CRISPLD1: variants seen among roughly 807,000 people sequenced by gnomAD.
CRISPLD1 encodes the protein cysteine-rich secretory protein LCCL domain-containing 1.
Under a neutral mutation model 77.5 loss-of-function variants are expected in CRISPLD1, and 60 were observed. That is an observed-to-expected ratio of 0.77 (90% CI 0.63 to 0.96). The LOEUF (loss-of-function observed/expected upper bound fraction) is 0.96, where lower values mean the gene tolerates loss of function less well. Ranked by LOEUF, CRISPLD1 falls within the 40% of genes least tolerant of loss-of-function variation. The probability of loss-of-function intolerance (pLI) is 0.00; values close to 1 mark genes in which losing one functional copy is unlikely to be tolerated. For synonymous variants in CRISPLD1, 195 were observed against 200.1 expected (o/e 0.97, Z 0.22); for missense variants, 623 against 615.8 (o/e 1.01, Z -0.12).
chr8:74,995,806 A>G (rs1262705286), intron 2 of CRISPLD1, among the ~76,000 whole-genome samples: 1 of 152,144 alleles, frequency 6.6e-6, no homozygotes, highest in Non-Finnish European at 1.5e-5. Context: ...GGATGCCTTT[A>G]TTTAAAAATG....
intron 2 of CRISPLD1, among the ~76,000 whole-genome samples, chr8:74,988,806 C>G (rs6472882): frequency 0.44 from 66,633 of 152,010 alleles, 17,351 homozygotes; most frequent in African/African-American, 0.74. Context: ...CTGCACTCCA[C>G]CCTGGGTGAC....
chr8:74,987,142 G>A (rs1439345714), intron 2 of CRISPLD1, among the ~76,000 whole-genome samples: 1 of 152,080 alleles, frequency 6.6e-6, no homozygotes, highest in Non-Finnish European at 1.5e-5. Flanking sequence ...AGTTTTGGTG[G>A]ATATTCTTTA....
intron 13 of CRISPLD1, among the ~76,000 whole-genome samples, chr8:75,028,737 A>T (rs959820647): frequency 6.6e-6 from 1 of 152,200 alleles, no homozygotes; most frequent in Admixed American, 6.5e-5. Context: ...CTAGTATTTC[A>T]TGTCAGACCA....
At chr8:74,998,495 T>A (rs1812679855) in intron 2 of CRISPLD1, among the ~76,000 whole-genome samples, 1 of 151,636 alleles carries the variant, frequency 6.6e-6, no homozygotes, top group Non-Finnish European at 1.5e-5. Context: ...TCGAGACCAG[T>A]CCTTCAACAT....
At chr8:75,010,075 T>G (rs1190011888) in intron 2 of CRISPLD1, among the ~76,000 whole-genome samples, 1 of 152,124 alleles carries the variant, frequency 6.6e-6, no homozygotes, top group East Asian at 1.9e-4. Flanking sequence ...AAAACTTTTA[T>G]GAAAAGCAGC....
At chr8:75,008,807 A>G (rs1240760444) in intron 2 of CRISPLD1, among the ~76,000 whole-genome samples, 2 of 152,174 alleles carry the variant, frequency 1.3e-5, no homozygotes, top group East Asian at 3.8e-4. Flanking sequence ...ATTGAATTTT[A>G]GTCCTCAAAG....
rs1813370026 is a variant in CRISPLD1, at chr8:75,032,554, T to C, written c.*312T>C. ...GTTTCATATATTATATGGTGCTTTG[T>C]ATATGCCACTAATAAAATGAATCTA... On this transcript the variant is annotated 3_prime_UTR_variant, in exon 15 of 15. Coordinates refer to ENST00000262207, the MANE Select transcript of CRISPLD1 (RefSeq NM_031461.6). The C allele has an allele frequency of 5.3e-6, 1 of 187,472 alleles. No homozygotes were observed. Among genetic ancestry groups the C allele is most frequent in the Non-Finnish European group, 1.1e-5 (1 of 91,442 alleles). 11.6% of individuals were successfully genotyped at this position (187,472 alleles called of 1,614,324 possible).
chr8:75,010,427 A>T (rs180906921), intron 2 of CRISPLD1, among the ~76,000 whole-genome samples: 1 of 152,120 alleles, frequency 6.6e-6, no homozygotes, highest in Non-Finnish European at 1.5e-5. Context: ...AGACTCTGGC[A>T]TCTCATCTAT....
intron 13 of CRISPLD1, among the ~76,000 whole-genome samples, chr8:75,028,796 ATTC>A (rs1813280328): frequency 6.6e-6 from 1 of 152,138 alleles, no homozygotes; most frequent in Non-Finnish European, 1.5e-5. Context: ...AGCTATGATG[ATTC>A]TTCATTTTTT....
intron 14 of CRISPLD1, 88 bp downstream of exon 14, chr8:75,029,605 T>A (rs1403614216): frequency 7.2e-7 from 1 of 1,386,632 alleles, no homozygotes; most frequent in East Asian, 2.3e-5. Context: ...CTTGAATATT[T>A]TTAATTTTTT....
Position 75,012,506 on chromosome 8 carries a change from G to C in CRISPLD1, c.332G>C (p.Ser111Thr). The C allele has an allele frequency of 1.2e-6, 2 of 1,613,012 alleles. No individual in the cohort carries two copies. Among genetic ancestry groups the C allele is most frequent in the African/African-American group, 1.3e-5 (1 of 75,000 alleles). ...TGCTTGTGGGAACATGGACCTGCAA[G>C]CTTGCTTCCATCAATTGGACAGAAT... Reference protein sequence around the residue: ...ESCLWEHGPASLLPSIGQNLG... With the variant: ...ESCLWEHGPATLLPSIGQNLG... The change falls in exon 3 of 15, where the codon AGC becomes ACC. Residue 111 changes from serine to threonine, a missense_variant. Transcript: ENST00000262207.
chr8:74,989,520 A>G (rs1052958017), intron 2 of CRISPLD1, among the ~76,000 whole-genome samples: 1 of 148,892 alleles, frequency 6.7e-6, no homozygotes, highest in African/African-American at 2.5e-5. Context: ...TAAACCTTAT[A>G]TGTTTATTGG....
chr8:75,023,501 G>T (rs1408317570), intron 12 of CRISPLD1, among the ~76,000 whole-genome samples: 3 of 152,080 alleles, frequency 2.0e-5, no homozygotes, highest in African/African-American at 7.2e-5. Context: ...TGGTTTCCAT[G>T]TTATGTGAAG....
chr8:75,009,440 A>G (rs1812891373), intron 2 of CRISPLD1, among the ~76,000 whole-genome samples: 1 of 152,058 alleles, frequency 6.6e-6, no homozygotes, highest in African/African-American at 2.4e-5. Flanking sequence ...TCAAGGGAAG[A>G]GGGGGGAATT....
intron 2 of CRISPLD1, among the ~76,000 whole-genome samples, chr8:75,011,458 C>T (rs534508985): frequency 2.6e-5 from 4 of 152,024 alleles, no homozygotes; most frequent in South Asian, 4.2e-4. Flanking sequence ...TTCCCGTTTT[C>T]GTAACATGCC....
chr8:75,019,009 T>G (rs1813087005), intron 10 of CRISPLD1, among the ~76,000 whole-genome samples: 1 of 152,254 alleles, frequency 6.6e-6, no homozygotes, highest in African/African-American at 2.4e-5. Flanking sequence ...GGTGTTCTGT[T>G]AAAGGACATT....
chr8:75,008,029 C>T (rs1812864939), intron 2 of CRISPLD1, among the ~76,000 whole-genome samples: 2 of 152,086 alleles, frequency 1.3e-5, no homozygotes, highest in African/African-American at 2.4e-5. Flanking sequence ...ATTTCTCATA[C>T]ACACACTTGA....
chr8:75,025,257 T>G (rs1033425764), intron 12 of CRISPLD1, among the ~76,000 whole-genome samples: 4 of 152,194 alleles, frequency 2.6e-5, no homozygotes, highest in Non-Finnish European at 4.4e-5. Context: ...GGGTACCAAC[T>G]TCTCAGATAC....
At position 75,029,535 on chromosome 8, in the gene CRISPLD1, G is replaced by T. The variant is rs188580522; in HGVS notation, c.1451+18G>T. ...TCAGAAAGGTAAAAACAAAACATAT[G>T]TATGTATACTTTTAAATACCATCTA... On this transcript the variant is annotated intron_variant, in intron 14 of 14. Coordinates refer to ENST00000262207, the MANE Select transcript of CRISPLD1 (RefSeq NM_031461.6). 1.9e-6 allele frequency: 3 copies of T among 1,605,554 alleles called. No homozygotes were observed. Among genetic ancestry groups the T allele is most frequent in the Non-Finnish European group, 2.6e-6 (3 of 1,173,170 alleles).
Sources: allele counts gnomAD v4.1 joint callset (sites outside exome capture counted in the v4.1 genomes callset), GRCh38; gene constraint gnomAD v4.1.1; transcripts MANE v1.5; gene names NCBI Gene and HGNC (gene_info 2026-07-23, HGNC 2026-07-21).